FAM149B1: variants seen among roughly 807,000 people sequenced by gnomAD.
FAM149B1 encodes the protein primary cilium assembly protein FAM149B1.
In FAM149B1, 56 loss-of-function variants were observed where a neutral mutation model predicts 75.3. The ratio of observed to expected loss-of-function variants is 0.74; its 90% CI spans 0.60 to 0.93. The LOEUF (loss-of-function observed/expected upper bound fraction) is 0.93. FAM149B1 is among the 40% of genes least tolerant of loss of function. FAM149B1 has a pLI of 0.00. For missense variants in FAM149B1, 639 were observed against 708.4 expected (o/e 0.90, Z 1.11); for synonymous variants, 259 against 256.1 (o/e 1.01, Z -0.11).
chr10:73,175,494 C>T (rs1843914899), intron 2 of FAM149B1, among the ~76,000 whole-genome samples: 1 of 151,332 alleles, frequency 6.6e-6, no homozygotes, highest in Non-Finnish European at 1.5e-5. Context: ...ACGGTGAAAC[C>T]CCGTCTCTAC....
chr10:73,218,659 G>A (rs1340684616), intron 7 of FAM149B1, among the ~76,000 whole-genome samples: 1 of 152,084 alleles, frequency 6.6e-6, no homozygotes, highest in Non-Finnish European at 1.5e-5. Flanking sequence ...TTAATCTCTT[G>A]AGAGAACCCT....
At chr10:73,219,969 G>A (rs1340590271) in intron 7 of FAM149B1, among the ~76,000 whole-genome samples, 1 of 151,396 alleles carries the variant, frequency 6.6e-6, no homozygotes, top group Non-Finnish European at 1.5e-5. Flanking sequence ...AAGACAACCT[G>A]TGAAATGGGA....
intron 5 of FAM149B1, among the ~76,000 whole-genome samples, chr10:73,198,040 C>T (rs1372748730): frequency 6.6e-6 from 1 of 152,084 alleles, no homozygotes; most frequent in African/African-American, 2.4e-5. Flanking sequence ...GAATGGAGAG[C>T]TCAAAAATAA....
In FAM149B1 at chr10:73,187,966, C is replaced by T. The variant is rs965238674; in HGVS notation, c.283-4590C>T. On this transcript the variant is annotated intron_variant, in intron 3 of 13. Coordinates refer to ENST00000242505, the MANE Select transcript of FAM149B1 (RefSeq NM_173348.2). Reference sequence around the variant, plus strand: ...GGCACGGTGGTGCAGGCCTGTAGTCCCAGCTGCTCAGGAGGCTGAGGCAGG... The same window carrying T: ...GGCACGGTGGTGCAGGCCTGTAGTCTCAGCTGCTCAGGAGGCTGAGGCAGG... 4.0e-5 allele frequency among the ~76,000 whole-genome samples: 6 copies of T among 151,800 alleles called. No homozygotes were observed. In the East Asian group the frequency reaches 1.2e-3, roughly 29 times the overall value.
rs143009059 is a variant in FAM149B1 at position 73,217,067 on chromosome 10, C to T, written c.898+6629C>T. 2.8e-3 allele frequency among the ~76,000 whole-genome samples: 431 copies of T among 152,314 alleles called. 3 individuals are homozygous for T. The highest frequency in any genetic ancestry group is 9.2e-3 in the African/African-American group (384 of 41,574). ...AGTTTCATGTGAGTGGAATCGTATG[C>T]ACTCTTTGTCTGGCTTCTTTCACTC... On this transcript the variant is annotated intron_variant, in intron 7 of 13. Coordinates refer to ENST00000242505, the MANE Select transcript of FAM149B1 (RefSeq NM_173348.2).
At chr10:73,190,935 T>C (rs1196282790) in intron 3 of FAM149B1, among the ~76,000 whole-genome samples, 1 of 151,814 alleles carries the variant, frequency 6.6e-6, no homozygotes, top group East Asian at 1.9e-4. Context: ...CCCAGGCTGG[T>C]CTCAAACTTC....
At chr10:73,204,716 AAT>A (rs1238390268) in intron 5 of FAM149B1, among the ~76,000 whole-genome samples, 1 of 151,802 alleles carries the variant, frequency 6.6e-6, no homozygotes, top group Non-Finnish European at 1.5e-5. Flanking sequence ...GAGTTACTGA[AAT>A]AAGGATATAA....
intron 13 of FAM149B1, among the ~76,000 whole-genome samples, chr10:73,240,661 G>A (rs991194017): frequency 7.3e-5 from 11 of 150,562 alleles, no homozygotes; most frequent in East Asian, 2.0e-4. Context: ...GCAGTGAGCC[G>A]AGATCATGCC....
At position 73,168,218 on chromosome 10, in the gene FAM149B1, G is replaced by A; in HGVS notation, c.-122G>A. The A allele has an allele frequency of 1.9e-6, 2 of 1,044,650 alleles. No homozygotes were observed. The highest frequency in any genetic ancestry group is 2.8e-5 in the East Asian group (1 of 36,200). 64.7% of individuals were successfully genotyped at this position (1,044,650 alleles called of 1,614,324 possible). ...AGTCTAGGTGACGGGGCGAGACGGG[G>A]CCGGTAGGTGGCGGGAGGGGCCGGG... On this transcript the variant is annotated 5_prime_UTR_variant, in exon 1 of 14. Coordinates refer to ENST00000242505, the MANE Select transcript of FAM149B1 (RefSeq NM_173348.2).
intron 1 of FAM149B1, among the ~76,000 whole-genome samples, chr10:73,169,914 T>C (rs995335499): frequency 2.4e-5 from 3 of 126,366 alleles, no homozygotes; most frequent in Non-Finnish European, 4.8e-5. Context: ...CAATTTTTTT[T>C]CCTTCATGGA....
At chr10:73,201,732 G>A (rs1482358539) in intron 5 of FAM149B1, among the ~76,000 whole-genome samples, 1 of 152,156 alleles carries the variant, frequency 6.6e-6, no homozygotes, top group Non-Finnish European at 1.5e-5. Flanking sequence ...AGTGCTAAGT[G>A]TGAACTGGAC....
At chr10:73,202,152 G>A (rs553488822) in intron 5 of FAM149B1, among the ~76,000 whole-genome samples, 24 of 152,238 alleles carry the variant, frequency 1.6e-4, no homozygotes, top group African/African-American at 4.6e-4. Flanking sequence ...GCGACAGAGC[G>A]AGACTCTGTC....
chr10:73,228,568 T>C (rs1239831743), intron 8 of FAM149B1, among the ~76,000 whole-genome samples: 4 of 152,078 alleles, frequency 2.6e-5, no homozygotes, highest in Non-Finnish European at 5.9e-5. Context: ...TCCTTCCTTT[T>C]TCTCTCAACT....
chr10:73,169,905 A>T (rs1297695463), intron 1 of FAM149B1, among the ~76,000 whole-genome samples: 1 of 133,138 alleles, frequency 7.5e-6, no homozygotes, highest in Non-Finnish European at 1.5e-5. Context: ...CCCAAATTCC[A>T]ATTTTTTTTC....
chr10:73,174,378 C>G (rs1249693075), intron 1 of FAM149B1, among the ~76,000 whole-genome samples: 1 of 152,040 alleles, frequency 6.6e-6, no homozygotes, highest in Non-Finnish European at 1.5e-5. Context: ...GTGGTGATAT[C>G]TACTATATTT....
intron 5 of FAM149B1, among the ~76,000 whole-genome samples, chr10:73,201,860 TAAGAA>T (rs907238749): frequency 6.6e-6 from 1 of 151,284 alleles, no homozygotes; most frequent in African/African-American, 2.4e-5. Flanking sequence ...TATATTCACT[TAAGAA>T]AAAAAAAAGG....
At chr10:73,183,133 G>GGAAGA (rs1469103589) in intron 3 of FAM149B1, among the ~76,000 whole-genome samples, 18 of 152,236 alleles carry the variant, frequency 1.2e-4, no homozygotes, top group Non-Finnish European at 2.2e-4. Flanking sequence ...TCAGGGTAGA[G>GGAAGA]GAAGAGAAGA....
chr10:73,174,655 C>T (rs930476004), intron 1 of FAM149B1, 32 bp from the exon 2 acceptor site: 1 of 1,417,036 alleles, frequency 7.1e-7, no homozygotes, highest in Non-Finnish European at 9.7e-7. Flanking sequence ...TTTTTTTATA[C>T]AGGAAATATA....
intron 2 of FAM149B1, among the ~76,000 whole-genome samples, chr10:73,177,301 C>A (rs886745450): frequency 6.6e-6 from 1 of 151,928 alleles, no homozygotes; most frequent in Non-Finnish European, 1.5e-5. Context: ...AGGCTGGGTG[C>A]GGTGGCTTAT....
Sources: gnomAD v4.1 joint callset for allele counts (sites outside exome capture counted in the v4.1 genomes callset) on GRCh38, gnomAD v4.1.1 for gene constraint, MANE v1.5 for transcripts, NCBI Gene and HGNC (gene_info 2026-07-23, HGNC 2026-07-21) for gene names.